The following PCF11 variants were observed in gnomAD, a reference collection of about 807,000 sequenced individuals.
PCF11 encodes pre-mRNA cleavage complex 2 protein Pcf11.
A neutral mutation model predicts 166.1 loss-of-function variants in PCF11; 19 were observed. The ratio of observed to expected loss-of-function variants is 0.11; its 90% CI spans 0.08 to 0.17. The LOEUF (loss-of-function observed/expected upper bound fraction) is 0.17. PCF11 is among the 10% of genes least tolerant of loss of function. The pLI is 1.00. For missense variants in PCF11, 1,565 were observed against 1,855.5 expected, an observed-to-expected ratio of 0.84 and a Z score of 2.88; for synonymous variants, 663 against 644.1, an observed-to-expected ratio of 1.03 and a Z score of -0.44.
At chr11:83,159,573 T>C (rs1199784289) in intron 1 of PCF11, among the ~76,000 whole-genome samples, 1 of 152,180 alleles carries the variant, frequency 6.6e-6, no homozygotes. Flanking sequence ...ATAGATGAGC[T>C]CTTTGCTGGT....
At chr11:83,162,150 C>T (rs1021873807) in intron 2 of PCF11, among the ~76,000 whole-genome samples, 5 of 152,128 alleles carry the variant, frequency 3.3e-5, no homozygotes, top group African/African-American at 9.7e-5. Context: ...AAGGGATTTG[C>T]TGAGGTAATT....
At chr11:83,185,771 G>A (rs1457787011) in exon 16 of PCF11, 1 of 152,570 alleles carries the variant, frequency 6.6e-6, no homozygotes, top group East Asian at 1.9e-4. Context: ...ATTCATACAT[G>A]TAATAAATAG....
At chr11:83,166,811 G>A in intron 5 of PCF11, 97 bp downstream of exon 5, 2 of 1,043,666 alleles carry the variant, frequency 1.9e-6, no homozygotes, top group Non-Finnish European at 1.4e-6. Context: ...GGTGCTATTA[G>A]TACTTTTTTT....
At chr11:83,183,927 G>T (rs961048646) in intron 15 of PCF11, among the ~76,000 whole-genome samples, 1 of 151,728 alleles carries the variant, frequency 6.6e-6, no homozygotes, top group South Asian at 2.1e-4. Flanking sequence ...CGAGGCGAGT[G>T]GATCACCTGA....
intron 9 of PCF11, among the ~76,000 whole-genome samples, chr11:83,173,522 G>GTT (rs550536928): frequency 5.8e-5 from 8 of 138,614 alleles, no homozygotes; most frequent in African/African-American, 1.6e-4. Context: ...TTTTGTTGTT[G>GTT]TTTTTTTTTT....
exon 16 of PCF11, chr11:83,185,954 C>T (rs1861276436): frequency 6.6e-6 from 1 of 152,388 alleles, no homozygotes; most frequent in Admixed American, 6.6e-5. Context: ...GCATATAAAA[C>T]ACTGAGTTTT....
At position 83,163,869 on chromosome 11, in the gene PCF11, TA is replaced by T; in HGVS notation, c.507+4del. 7.5e-7 allele frequency: 1 copy of T among 1,338,702 alleles called. No individual in the cohort carries two copies. The highest frequency in any genetic ancestry group is 1.0e-6 in the Non-Finnish European group (1 of 976,328). The allele number at this position is 1,338,702 out of a possible 1,614,324, so 82.9% of individuals were successfully genotyped here. Reference sequence around the variant, plus strand: ...AATCCTAAATTTTTAAATAAATCGGTAAGTTTTAATATGAATAGTAAGTAAC... The same window carrying T: ...AATCCTAAATTTTTAAATAAATCGGTAGTTTTAATATGAATAGTAAGTAAC... On this transcript the variant is annotated splice_donor_region_variant and intron_variant, in intron 3 of 15. Transcript: ENST00000298281.
exon 16 of PCF11, chr11:83,186,405 A>G (rs1861293285): frequency 6.6e-6 from 1 of 152,254 alleles, no homozygotes; most frequent in Non-Finnish European, 1.5e-5. Flanking sequence ...ATGATGAGCC[A>G]TTAATTTTTT....
exon 5 of PCF11, chr11:83,165,844 A>G: frequency 6.2e-7 from 1 of 1,608,700 alleles, no homozygotes. Flanking sequence ...CACAGGAAAG[A>G]ATTTCTAATG....
chr11:83,166,683 A>C (rs1359375651), exon 5 of PCF11: 1 of 1,601,784 alleles, frequency 6.2e-7, no homozygotes, highest in East Asian at 2.2e-5. Flanking sequence ...GTCTGCCAAA[A>C]GATGGAAATC....
At chr11:83,166,649 T>G (rs1334523624) in exon 5 of PCF11, 2 of 1,606,550 alleles carry the variant, frequency 1.2e-6, no homozygotes, top group Admixed American at 1.7e-5. Flanking sequence ...CAAAGGAGAA[T>G]GTAGAAAACT....
chr11:83,161,230 A>G (rs953416164), intron 1 of PCF11, 97 bp from the exon 2 acceptor site: 2 of 921,156 alleles, frequency 2.2e-6, no homozygotes, highest in Non-Finnish European at 1.6e-6. Context: ...AGTATCAACA[A>G]AAATAGAGGT....
rs78819954 is a variant in PCF11, at chr11:83,184,659, T to G, written c.4453-20T>G. The G allele has an allele frequency of 6.4e-7, 1 of 1,557,512 alleles. No individual in the cohort carries two copies. The highest frequency in any genetic ancestry group is 8.8e-7 in the Non-Finnish European group (1 of 1,131,394). ...AATTTTGAACTTTCATCAGTACTCA[T>G]AGGGCCTTTCATTTTGTAGACATCT... On this transcript the variant is annotated intron_variant, in intron 15 of 15. Coordinates refer to ENST00000298281, the Ensembl canonical transcript of PCF11.
At chr11:83,183,255 T>C (rs986361493) in intron 15 of PCF11, among the ~76,000 whole-genome samples, 182 bp downstream of exon 15, 5 of 152,184 alleles carry the variant, frequency 3.3e-5, no homozygotes, top group Non-Finnish European at 7.3e-5. Flanking sequence ...AGAATTGACA[T>C]ATATGAATAT....
At chr11:83,157,141 G>A (rs983827225) in exon 1 of PCF11, 14 of 553,324 alleles carry the variant, frequency 2.5e-5, no homozygotes, top group Non-Finnish European at 3.9e-5. Flanking sequence ...GCACGACGCA[G>A]CGGTTGGGAA....
At chr11:83,177,626 C>G (rs1860931365) in intron 10 of PCF11, 88 bp from the exon 11 acceptor site, 1 of 564,292 alleles carries the variant, frequency 1.8e-6, no homozygotes, top group Admixed American at 3.7e-5. Context: ...GTGGATTTCT[C>G]TATTTGCTTA....
Position 83,167,784 on chromosome 11 carries a change from C to A in PCF11, c.2092+279C>A, listed in dbSNP as rs958128772. ...TGGAGCACAGTTTGACAGAAAAGAA[C>A]AATTTAGTGAAAGAGCAAGACGTCT... On this transcript the variant is annotated intron_variant, in intron 7 of 15. Transcript: ENST00000298281. The surrounding 1 kb of genome is among the most constrained non-coding windows in gnomAD (Gnocchi z 4.2). 1.4e-5 allele frequency: 20 copies of A among 1,397,532 alleles called. No homozygotes were observed. In the African/African-American group the frequency reaches 2.9e-4, roughly 20 times the overall value. 86.6% of individuals were successfully genotyped at this position (1,397,532 alleles called of 1,614,324 possible).
intron 9 of PCF11, among the ~76,000 whole-genome samples, chr11:83,173,082 T>C (rs1000719397): frequency 5.9e-5 from 9 of 152,174 alleles, no homozygotes; most frequent in African/African-American, 2.2e-4. Context: ...AAGACCAGGG[T>C]TGGAATCTCT....
Position 83,167,047 on chromosome 11 carries a change from G to C in PCF11, c.1818-78G>C, listed in dbSNP as rs942625653. On this transcript the variant is annotated intron_variant, in intron 5 of 15. Transcript: ENST00000298281. The surrounding 1 kb of genome is among the most constrained non-coding windows in gnomAD (Gnocchi z 4.2). ...TATGCCCATTTTAACCATATCCTTT[G>C]AAAAGAATCTTTAAATATGGTCCTG... 2.5e-6 allele frequency: 3 copies of C among 1,182,072 alleles called. No individual in the cohort carries two copies. The African/African-American group carries it at 4.6e-5, about 18-fold the overall frequency. 73.2% of individuals were successfully genotyped at this position (1,182,072 alleles called of 1,614,324 possible).
Sources: gnomAD v4.1 joint callset for allele counts (sites outside exome capture counted in the v4.1 genomes callset) on GRCh38, gnomAD v4.1.1 for gene constraint, Gnocchi (gnomAD v3.1) non-coding constraint, MANE v1.5 for transcripts, NCBI Gene and HGNC (gene_info 2026-07-23, HGNC 2026-07-21) for gene names.